The following CCDC62 variants were observed in gnomAD, a reference collection of about 807,000 sequenced individuals.
CCDC62 encodes the protein coiled-coil domain containing 62, also known as coiled-coil domain-containing protein 62.
CCDC62 carries 72 observed loss-of-function variants against 80.8 expected under a neutral mutation model. The ratio of observed to expected loss-of-function variants is 0.89; its 90% confidence interval spans 0.74 to 1.08. The LOEUF (loss-of-function observed/expected upper bound fraction) is 1.08. CCDC62 is among the 50% of genes least tolerant of loss of function. The pLI is 0.00. For missense variants in CCDC62, 704 were observed against 809.4 expected, an observed-to-expected ratio of 0.87 and a Z score of 1.58; for synonymous variants, 286 against 296.5, an observed-to-expected ratio of 0.96 and a Z score of 0.36.
At chr12:122,818,932 A>AT (rs952033909) in intron 11 of CCDC62, among the ~76,000 whole-genome samples, 7 of 152,050 alleles carry the variant, frequency 4.6e-5, no homozygotes, top group Non-Finnish European at 1.0e-4. Flanking sequence ...CAAAAAATAT[A>AT]TTTTTTTCAG....
At chr12:122,806,492 G>C (rs2031613044) in intron 10 of CCDC62, among the ~76,000 whole-genome samples, 197 bp downstream of exon 10, 1 of 137,282 alleles carries the variant, frequency 7.3e-6, no homozygotes, top group Non-Finnish European at 1.6e-5. Flanking sequence ...GTTTTGTTCT[G>C]TTTCTTTGAG....
chr12:122,806,520 C>T (rs2031614799), intron 10 of CCDC62, among the ~76,000 whole-genome samples: 1 of 151,544 alleles, frequency 6.6e-6, no homozygotes, highest in Admixed American at 6.6e-5. Context: ...ACTCAGTCAC[C>T]CAGGCTGTAG....
At position 122,774,848 on chromosome 12, in the gene CCDC62, G is replaced by C. The variant is rs572001598; in HGVS notation, c.36+142G>C. On this transcript the variant is annotated intron_variant, in intron 1 of 12. Transcript: ENST00000253079. Reference sequence around the variant, plus strand: ...CTCACGCCTGTAATCCCAGCGCTTTGGGAGGCGGAGGCGGGCGGATCACGA... The same window carrying C: ...CTCACGCCTGTAATCCCAGCGCTTTCGGAGGCGGAGGCGGGCGGATCACGA... 1.4e-3 allele frequency: 685 copies of C among 484,046 alleles called. 8 individuals carry two copies. The highest frequency in any genetic ancestry group is 5.1e-3 in the Middle Eastern group (8 of 1,564). The allele number at this position is 484,046 out of a possible 1,614,324, so 30.0% of individuals were successfully genotyped here. A position where few individuals can be genotyped will look rare whatever the true frequency, so the allele number is the denominator to read the frequency against.
At chr12:122,795,166 T>G (rs2030861797) in intron 6 of CCDC62, among the ~76,000 whole-genome samples, 1 of 151,926 alleles carries the variant, frequency 6.6e-6, no homozygotes, top group African/African-American at 2.4e-5. Context: ...TTCTCATGCC[T>G]CAGCCTCCGG....
chr12:122,799,822 C>T (rs932465416), intron 8 of CCDC62, among the ~76,000 whole-genome samples: 3 of 152,124 alleles, frequency 2.0e-5, no homozygotes, highest in African/African-American at 4.8e-5. Context: ...AGGCGTGTGG[C>T]GTGTGGCTGG....
chr12:122,785,898 C>T (rs2030189927), intron 4 of CCDC62, 78 bp downstream of exon 4: 1 of 952,168 alleles, frequency 1.1e-6, no homozygotes, highest in African/African-American at 1.6e-5. Context: ...ACCTAAGTCG[C>T]TAGGATCCCA....
chr12:122,802,699 C>G (rs2031380227), intron 9 of CCDC62, among the ~76,000 whole-genome samples: 1 of 151,898 alleles, frequency 6.6e-6, no homozygotes, highest in Admixed American at 6.6e-5. Flanking sequence ...CAGGCATGAG[C>G]CACCACACTT....
intron 8 of CCDC62, among the ~76,000 whole-genome samples, chr12:122,798,779 C>T (rs2031120521): frequency 6.6e-6 from 1 of 150,990 alleles, no homozygotes; most frequent in Non-Finnish European, 1.5e-5. Context: ...CAAACTCCGT[C>T]TCAAAAAATA....
intron 6 of CCDC62, among the ~76,000 whole-genome samples, chr12:122,792,816 C>G (rs1040162050): frequency 1.2e-4 from 19 of 152,302 alleles, no homozygotes; most frequent in African/African-American, 3.4e-4. Flanking sequence ...TCACGCCAGG[C>G]CTTTTTGTTT....
intron 10 of CCDC62, among the ~76,000 whole-genome samples, chr12:122,812,823 G>GAAAGAAAGAAAGAAAGAA (rs1566086829): frequency 3.4e-5 from 5 of 147,514 alleles, no homozygotes; most frequent in African/African-American, 1.0e-4. Context: ...AAGAAAGAAA[G>GAAAGAAAGAAAGAAAGAA]AAAGAAAAGG....
In CCDC62 at chr12:122,813,418, A is replaced by G; in HGVS notation, c.2000A>G (p.Asn667Ser). ...SHENLTGSAT[N>S]KSEVPEESAQ... ...GAGAATCTCACTGGCAGTGCCACAA[A>G]TGTATGCGTTTCATTTTCTCTTGAC... is the stretch of plus-strand genomic sequence containing the variant. Residue 667 changes from asparagine (N) to serine (S), a missense_variant and splice_region_variant, in exon 11 of 13, where the codon AAT becomes AGT. Transcript: ENST00000253079. 1 of 1,610,458 alleles carries G rather than the reference A, an allele frequency of 6.2e-7. No homozygotes were observed.
intron 2 of CCDC62, 116 bp from the exon 3 acceptor site, chr12:122,781,048 G>A: frequency 1.4e-6 from 1 of 737,190 alleles, no homozygotes; most frequent in South Asian, 1.9e-5. Context: ...GGTTTTAAAA[G>A]AAGATTGTCT....
chr12:122,816,047 C>T (rs1032723874), intron 11 of CCDC62, among the ~76,000 whole-genome samples: 3 of 152,288 alleles, frequency 2.0e-5, no homozygotes, highest in South Asian at 2.1e-4. Context: ...AAAACTAGAA[C>T]ATTAATCATT....
rs1019412609 is a variant in CCDC62 at position 122,801,547 on chromosome 12, C to T, written c.1401C>T (p.Tyr467=). The change falls in exon 9 of 13, where the codon TAC becomes TAT. Residue 467 remains tyrosine (Y), a synonymous_variant. Transcript: ENST00000253079. ...DEKQWHDVSV[Y]LGLTNCPSSK... is the part of the protein sequence containing the mutation. The stretch of plus-strand genomic sequence containing the variant: ...AGCAGTGGCATGATGTCAGTGTTTA[C>T]CTGGGCCTGACCAACTGTCCAAGTT... The T allele has an allele frequency of 4.3e-6, 7 of 1,613,994 alleles. No individual in the cohort carries two copies. The African/African-American group carries it at 9.3e-5, about 22-fold the overall frequency.
intron 6 of CCDC62, among the ~76,000 whole-genome samples, chr12:122,795,077 G>A (rs2030856012): frequency 6.6e-6 from 1 of 152,058 alleles, no homozygotes; most frequent in South Asian, 2.1e-4. Context: ...CGGAGATGGA[G>A]TCTTGGTCTG....
At chr12:122,825,728 G>A (rs996047622) in intron 12 of CCDC62, among the ~76,000 whole-genome samples, 6 of 149,830 alleles carry the variant, frequency 4.0e-5, no homozygotes, top group African/African-American at 1.5e-4. Flanking sequence ...GCTCACACCT[G>A]TAATCTCAGC....
At position 122,797,378 on chromosome 12, in the gene CCDC62, C is replaced by A; in HGVS notation, c.844C>A (p.Leu282Met). 2 of 1,581,076 alleles carry A rather than the reference C, an allele frequency of 1.3e-6. No homozygotes were observed. Among genetic ancestry groups the A allele is most frequent in the African/African-American group, 1.3e-5 (1 of 74,328 alleles). ...KSKQERTNSE[L>M]HNLRQIYVKQ... ...AAAGCAAGAACGCACAAATTCAGAA[C>A]TGCACAATCTGAGACAGGTATGTCC... is the stretch of plus-strand genomic sequence containing the variant. The change falls in exon 7 of 13, where the codon CTG becomes ATG. Residue 282 changes from leucine (L) to methionine (M), a missense_variant. By Grantham distance (15) the Leu-to-Met change is conservative (BLOSUM62 2). Coordinates refer to ENST00000253079, the MANE Select transcript of CCDC62 (RefSeq NM_201435.5).
chr12:122,823,878 TG>T (rs765403031), intron 12 of CCDC62, among the ~76,000 whole-genome samples: 4 of 150,558 alleles, frequency 2.7e-5, no homozygotes, highest in Non-Finnish European at 5.9e-5. Context: ...CCCAGCTACT[TG>T]GGAGGCTGAG....
At chr12:122,784,530 A>G (rs1188540538) in intron 3 of CCDC62, among the ~76,000 whole-genome samples, 1 of 151,822 alleles carries the variant, frequency 6.6e-6, no homozygotes, top group Non-Finnish European at 1.5e-5. Flanking sequence ...AAAAATAATG[A>G]TAATAATAAT....
Sources: gnomAD v4.1 joint callset for allele counts (sites outside exome capture counted in the v4.1 genomes callset) on GRCh38, gnomAD v4.1.1 for gene constraint, MANE v1.5 for transcripts, NCBI Gene and HGNC (gene_info 2026-07-23, HGNC 2026-07-21) for gene names.